SH3KBP1: variants seen among roughly 807,000 people sequenced by gnomAD.
The protein encoded by SH3KBP1 is SH3 domain containing kinase binding protein 1.
SH3KBP1 carries 8 observed loss-of-function variants against 50.1 expected under a neutral mutation model. The ratio of observed to expected loss-of-function variants is 0.16; its 90% CI spans 0.09 to 0.29. The LOEUF (loss-of-function observed/expected upper bound fraction) is 0.29. Ranked by LOEUF, SH3KBP1 falls within the 10% of genes least tolerant of loss-of-function variation. The pLI, the probability that SH3KBP1 is intolerant of heterozygous loss-of-function variation, is 1.00. For synonymous variants in SH3KBP1, 227 were observed against 218.6 expected, an observed-to-expected ratio of 1.04 and a Z score of -0.34; for missense variants, 377 against 535.2, an observed-to-expected ratio of 0.70 and a Z score of 2.92.
intron 2 of SH3KBP1, among the ~76,000 whole-genome samples, chrX:19,748,630 G>T (rs889558347): frequency 8.9e-6 from 1 of 111,903 alleles, no homozygotes; most frequent in Non-Finnish European, 1.9e-5. Context: ...TGGAAGCAGG[G>T]AGGAGACAAA....
At chrX:19,804,307 C>T (rs1255644792) in intron 2 of SH3KBP1, among the ~76,000 whole-genome samples, 3 of 111,273 alleles carry the variant, frequency 2.7e-5, no homozygotes, top group Non-Finnish European at 3.8e-5. Flanking sequence ...ATTTGGGCCC[C>T]GGCTTCCCTG....
At chrX:19,612,060 T>C (rs1198439553) in intron 8 of SH3KBP1, among the ~76,000 whole-genome samples, 1 of 107,935 alleles carries the variant, frequency 9.3e-6, no homozygotes, top group East Asian at 2.9e-4. Context: ...GGGATAGAGA[T>C]TTACAGAGAA....
chrX:19,807,357 G>A (rs1240584733), intron 2 of SH3KBP1, among the ~76,000 whole-genome samples: 1 of 112,052 alleles, frequency 8.9e-6, no homozygotes, highest in Non-Finnish European at 1.9e-5. Context: ...CATGCCCATA[G>A]CGTTTTTACC....
intron 6 of SH3KBP1, among the ~76,000 whole-genome samples, chrX:19,675,974 C>T (rs1173357502): frequency 9.0e-6 from 1 of 111,707 alleles, no homozygotes; most frequent in Non-Finnish European, 1.9e-5. Flanking sequence ...GAGAGAGAAG[C>T]CAAAGTCTGA....
At chrX:19,859,336 C>T (rs556273912) in intron 1 of SH3KBP1, among the ~76,000 whole-genome samples, 9 of 110,262 alleles carry the variant, frequency 8.2e-5, no homozygotes, top group African/African-American at 2.3e-4. Context: ...TTTGTAGCAA[C>T]GGGGTTTCAC....
chrX:19,732,486 C>T (rs2064409340), intron 3 of SH3KBP1, among the ~76,000 whole-genome samples: 1 of 109,361 alleles, frequency 9.1e-6, no homozygotes, highest in Admixed American at 9.9e-5. Context: ...TATTATCTAT[C>T]TGCATTTGGC....
chrX:19,671,287 AAT>A (rs2062785693), intron 6 of SH3KBP1, among the ~76,000 whole-genome samples: 1 of 111,362 alleles, frequency 9.0e-6, no homozygotes, highest in African/African-American at 3.3e-5. Flanking sequence ...GGATATCTAG[AAT>A]ATAGTCTGTA....
At chrX:19,782,256 G>C (rs1410260115) in intron 2 of SH3KBP1, among the ~76,000 whole-genome samples, 1 of 111,810 alleles carries the variant, frequency 8.9e-6, no homozygotes. Flanking sequence ...TGGAAGCAAA[G>C]GAAAGCCAGG....
chrX:19,694,408 T>C (rs2063363861), intron 5 of SH3KBP1, among the ~76,000 whole-genome samples: 2 of 111,060 alleles, frequency 1.8e-5, no homozygotes, highest in Non-Finnish European at 3.8e-5. Context: ...GCCATGTTAA[T>C]AGAGAATCCC....
At chrX:19,714,861 C>T (rs978025939) in intron 3 of SH3KBP1, among the ~76,000 whole-genome samples, 7 of 111,762 alleles carry the variant, frequency 6.3e-5, no homozygotes, top group African/African-American at 2.0e-4. Context: ...GTTACATTTC[C>T]GGAGTTGTTA....
chrX:19,820,416 C>T (rs374848421), intron 2 of SH3KBP1, among the ~76,000 whole-genome samples: 94 of 111,459 alleles, frequency 8.4e-4, no homozygotes, highest in Non-Finnish European at 1.6e-3. Flanking sequence ...AGGACTGCTA[C>T]GTCTTCTTGG....
At chrX:19,842,272 A>T (rs1428821090) in intron 1 of SH3KBP1, among the ~76,000 whole-genome samples, 1 of 112,643 alleles carries the variant, frequency 8.9e-6, no homozygotes, top group Admixed American at 9.3e-5. Context: ...TCACGCCTGT[A>T]ATCCCAACAC....
chrX:19,665,270 T>C (rs765478574), intron 6 of SH3KBP1, among the ~76,000 whole-genome samples: 82 of 112,366 alleles, frequency 7.3e-4, no homozygotes, highest in South Asian at 1.5e-3. Flanking sequence ...ACCTTCCTCA[T>C]TTTAAATGAC....
intron 1 of SH3KBP1, among the ~76,000 whole-genome samples, chrX:19,836,809 A>G (rs1208934301): frequency 9.0e-6 from 1 of 111,632 alleles, no homozygotes; most frequent in Admixed American, 9.5e-5. Context: ...TGTAGGAGGG[A>G]CCCAGTGGGA....
intron 8 of SH3KBP1, 63 bp downstream of exon 8, chrX:19,631,801 A>G (rs2061583976): frequency 1.0e-5 from 7 of 701,083 alleles, no homozygotes; most frequent in Non-Finnish European, 1.5e-5. Flanking sequence ...AAAAGCTTAT[A>G]CTGTCCAGTC....
intron 1 of SH3KBP1, among the ~76,000 whole-genome samples, chrX:19,872,806 T>C (rs2069093656): frequency 9.9e-6 from 1 of 101,443 alleles, no homozygotes; most frequent in African/African-American, 4.0e-5. Flanking sequence ...TCTGTCTCCA[T>C]CTCTCTTCTC....
rs144210799 is a variant in SH3KBP1 at position 19,707,811 on chromosome X, C to T, written c.287-827G>A. On this transcript the variant is annotated intron_variant, in intron 3 of 17. Transcript: ENST00000397821. ...AGATGTGCACTATGTGGAGAAAGAA[C>T]GTGTATGGGGGTGAGGGTGAGACAG... 1.8e-4 allele frequency among the ~76,000 whole-genome samples: 19 copies of T among 105,763 alleles called. No individual in the cohort carries two copies. In the East Asian group the frequency reaches 4.3e-3, roughly 24 times the overall value. The allele number at this position is 105,763 out of a possible 115,157, so 91.8% of individuals were successfully genotyped here. A position where few individuals can be genotyped will look rare whatever the true frequency, so the allele number is the denominator to read the frequency against.
At position 19,857,218 on chromosome X, in the gene SH3KBP1, C is replaced by T. The variant is rs369754841; in HGVS notation, c.5-20936G>A. On this transcript the variant is annotated intron_variant, in intron 1 of 17. Coordinates refer to ENST00000397821, the MANE Select transcript of SH3KBP1 (RefSeq NM_031892.3). ...TACAAGCTCAAAAGACTGCATTATC[C>T]GCAAGTCTGGGGAGTAACTGGAGGT... Among the ~76,000 whole-genome samples the T allele has an allele frequency of 5.8e-4, 63 of 109,317 alleles. 1 individual carries two copies. The highest frequency in any genetic ancestry group is 1.0e-3 in the African/African-American group (31 of 30,175). The allele number at this position is 109,317 out of a possible 115,157, so 94.9% of individuals were successfully genotyped here.
chrX:19,761,218 A>G, intron 2 of SH3KBP1, among the ~76,000 whole-genome samples: 2 of 51,590 alleles, frequency 3.9e-5, no homozygotes, highest in Non-Finnish European at 6.9e-5. Context: ...GGGAAGAGAG[A>G]GAGGGAGGGA....
Sources: gnomAD v4.1 joint callset for allele counts (sites outside exome capture counted in the v4.1 genomes callset) on GRCh38, gnomAD v4.1.1 for gene constraint, MANE v1.5 for transcripts, NCBI Gene and HGNC (gene_info 2026-07-23, HGNC 2026-07-21) for gene names.